The following LRRC58 variants were observed in gnomAD, a reference collection of about 807,000 sequenced individuals.
The protein encoded by LRRC58 is leucine-rich repeat-containing protein 58.
A neutral mutation model predicts 30.6 loss-of-function variants in LRRC58; 18 were observed. That is an observed-to-expected ratio of 0.59 (90% confidence interval 0.41 to 0.87). LRRC58 has a LOEUF of 0.87. Ranked by LOEUF, LRRC58 falls within the 40% of genes least tolerant of loss-of-function variation. The probability of loss-of-function intolerance (pLI) is 0.00; values close to 1 mark genes in which losing one functional copy is unlikely to be tolerated. For synonymous variants in LRRC58, 221 were observed against 206.0 expected, an observed-to-expected ratio of 1.07 and a Z score of -0.62; for missense variants, 420 against 468.4, an observed-to-expected ratio of 0.90 and a Z score of 0.95.
In LRRC58 at chr3:120,329,550, CTCA is replaced by C. The variant is rs778440933; in HGVS notation, c.*1647_*1649del. Reference sequence around the variant, plus strand: ...TTTCACATCTGCAGTTCATGAAACTCTCATGTTTCATGAATTAATATACAAATA... The same window carrying C: ...TTTCACATCTGCAGTTCATGAAACTCTGTTTCATGAATTAATATACAAATA... On this transcript the variant is annotated 3_prime_UTR_variant, in exon 4 of 4. Coordinates refer to ENST00000295628, the MANE Select transcript of LRRC58 (RefSeq NM_001099678.2). The C allele has an allele frequency of 5.9e-5, 9 of 151,994 alleles. No individual in the cohort carries two copies. The highest frequency in any genetic ancestry group is 1.9e-4 in the East Asian group (1 of 5,174). The allele number at this position is 151,994 out of a possible 1,614,324, so 9.4% of individuals were successfully genotyped here.
rs1935714785 is a variant in LRRC58 at position 120,328,668 on chromosome 3, T to A, written c.*2532A>T. ...GGAGCTGATTATCTGGTTTCTAGAT[T>A]ATGAAGTCCCTTGTATTTGACTTCT... On this transcript the variant is annotated 3_prime_UTR_variant, in exon 4 of 4. Coordinates refer to ENST00000295628, the MANE Select transcript of LRRC58 (RefSeq NM_001099678.2). 1 of 152,216 alleles carries A rather than the reference T, an allele frequency of 6.6e-6. No individual in the cohort carries two copies. The highest frequency in any genetic ancestry group is 1.5e-5 in the Non-Finnish European group (1 of 68,036). The allele number at this position is 152,216 out of a possible 1,614,324, so 9.4% of individuals were successfully genotyped here.
At position 120,349,297 on chromosome 3, in the gene LRRC58, C is replaced by T; in HGVS notation, c.-54G>A. The T allele has an allele frequency of 1.5e-6, 2 of 1,342,640 alleles. No homozygotes were observed. The allele number at this position is 1,342,640 out of a possible 1,614,324, so 83.2% of individuals were successfully genotyped here. ...GATTCCCCAGAGCGCCGCGCGCGGT[C>T]CAGAGGCCGGGAGCTCTGCGGCGCC... On this transcript the variant is annotated 5_prime_UTR_variant, in exon 1 of 4. Transcript: ENST00000295628.
At chr3:120,340,388 C>T (rs914605778) in intron 1 of LRRC58, among the ~76,000 whole-genome samples, 2 of 152,118 alleles carry the variant, frequency 1.3e-5, no homozygotes, top group Admixed American at 1.3e-4. Context: ...TCATAATTGT[C>T]AGTTTTAAAA....
chr3:120,339,173 C>T (rs971223970), intron 1 of LRRC58, among the ~76,000 whole-genome samples: 1 of 151,930 alleles, frequency 6.6e-6, no homozygotes. Flanking sequence ...TATTTTTGTT[C>T]TTTTCCCTCT....
chr3:120,333,017 C>T (rs774830549), intron 3 of LRRC58, among the ~76,000 whole-genome samples: 2 of 148,026 alleles, frequency 1.4e-5, no homozygotes, highest in East Asian at 2.0e-4. Flanking sequence ...GCGTGAACCC[C>T]GGAGGCGGAG....
chr3:120,346,256 C>A (rs911195991), intron 1 of LRRC58, among the ~76,000 whole-genome samples: 1 of 150,684 alleles, frequency 6.6e-6, no homozygotes, highest in Non-Finnish European at 1.5e-5. Flanking sequence ...AACTCCATCT[C>A]AAAAAAACAG....
At chr3:120,332,751 A>T (rs1001795407) in intron 3 of LRRC58, among the ~76,000 whole-genome samples, 2 of 151,000 alleles carry the variant, frequency 1.3e-5, no homozygotes, top group Non-Finnish European at 2.9e-5. Flanking sequence ...TTTTAAACTG[A>T]TACTTTTTTT....
In LRRC58 at chr3:120,329,076, G is replaced by C. The variant is rs536686232; in HGVS notation, c.*2124C>G. The C allele has an allele frequency of 6.6e-6, 1 of 152,188 alleles. No homozygotes were observed. The highest frequency in any genetic ancestry group is 1.5e-5 in the Non-Finnish European group (1 of 67,970). The allele number at this position is 152,188 out of a possible 1,614,324, so 9.4% of individuals were successfully genotyped here. On this transcript the variant is annotated 3_prime_UTR_variant, in exon 4 of 4. Transcript: ENST00000295628. Reference sequence around the variant, plus strand: ...CATACCTATCCATTTATTTTACGAAGACTAACTCTTAGAAGACTACTCAAG... The same window carrying C: ...CATACCTATCCATTTATTTTACGAACACTAACTCTTAGAAGACTACTCAAG...
rs927893362 is a variant in LRRC58, at chr3:120,335,154, G to T, written c.630-15C>A. 2 of 1,602,384 alleles carry T rather than the reference G, an allele frequency of 1.2e-6. No homozygotes were observed. The highest frequency in any genetic ancestry group is 2.7e-5 in the African/African-American group (2 of 74,546). Reference sequence around the variant, plus strand: ...GTGAATGTAACCTAGAATAAATGTAGTAGAAAAATCAATGGCAGTAAACAA... The same window carrying T: ...GTGAATGTAACCTAGAATAAATGTATTAGAAAAATCAATGGCAGTAAACAA... On this transcript the variant is annotated splice_polypyrimidine_tract_variant and intron_variant, in intron 2 of 3. Transcript: ENST00000295628.
chr3:120,331,149 T>C lies in LRRC58; in HGVS notation c.*51A>G. On this transcript the variant is annotated 3_prime_UTR_variant, in exon 4 of 4. Transcript: ENST00000295628. ...GAACTTCAAGCTCTATTTTCTTGTC[T>C]AACCATTTTGCTCAGTTTTTTAAGT... 1 of 1,504,870 alleles carries C rather than the reference T, an allele frequency of 6.6e-7. No homozygotes were observed. The highest frequency in any genetic ancestry group is 9.2e-7 in the Non-Finnish European group (1 of 1,082,184). The allele number at this position is 1,504,870 out of a possible 1,614,324, so 93.2% of individuals were successfully genotyped here.
Position 120,330,197 on chromosome 3 carries a change from G to C in LRRC58, c.*1003C>G, listed in dbSNP as rs1221305404. ...CATATTTTTTCCCTACCCATTTAAT[G>C]CAAGATATAAAGAAGCTTTCCTAGC... is the stretch of plus-strand genomic sequence containing the variant. On this transcript the variant is annotated 3_prime_UTR_variant, in exon 4 of 4. Transcript: ENST00000295628. 2.0e-5 allele frequency: 3 copies of C among 152,010 alleles called. No individual in the cohort carries two copies. The highest frequency in any genetic ancestry group is 4.4e-5 in the Non-Finnish European group (3 of 67,950). The allele number at this position is 152,010 out of a possible 1,614,324, so 9.4% of individuals were successfully genotyped here. A position where few individuals can be genotyped will look rare whatever the true frequency, so the allele number is the denominator to read the frequency against.
intron 1 of LRRC58, among the ~76,000 whole-genome samples, chr3:120,345,684 A>G (rs139027016): frequency 8.9e-4 from 136 of 152,356 alleles, no homozygotes; most frequent in Non-Finnish European, 1.5e-3. Context: ...AGCTCAGAGT[A>G]TATTTCTACA....
intron 1 of LRRC58, among the ~76,000 whole-genome samples, chr3:120,346,137 G>A (rs1223527962): frequency 1.3e-5 from 2 of 152,102 alleles, no homozygotes; most frequent in Admixed American, 6.6e-5. Flanking sequence ...CGCTCCTGTG[G>A]TCGCAGATAC....
chr3:120,325,204 T>C lies in LRRC58; in HGVS notation c.*5996A>G, dbSNP rs895637174. On this transcript the variant is annotated 3_prime_UTR_variant, in exon 4 of 4. Coordinates refer to ENST00000295628, the MANE Select transcript of LRRC58 (RefSeq NM_001099678.2). Reference sequence around the variant, plus strand: ...TCACAACAATGTTAACAATTTAAGTTAGTGAAAGGATTCTCTTAAACATAA... The same window carrying C: ...TCACAACAATGTTAACAATTTAAGTCAGTGAAAGGATTCTCTTAAACATAA... The C allele has an allele frequency of 1.9e-4, 29 of 152,240 alleles. No homozygotes were observed. Among genetic ancestry groups the C allele is most frequent in the Non-Finnish European group, 3.8e-4 (26 of 68,030 alleles). The allele number at this position is 152,240 out of a possible 1,614,324, so 9.4% of individuals were successfully genotyped here.
Position 120,326,689 on chromosome 3 carries a change from T to C in LRRC58, c.*4511A>G, listed in dbSNP as rs1459057312. On this transcript the variant is annotated 3_prime_UTR_variant, in exon 4 of 4. Transcript: ENST00000295628. ...ACATTCATAATGACAATAAAATCTC[T>C]ACCTCTGGATGAAAAAAGGATCATT... 6.6e-6 allele frequency: 1 copy of C among 152,200 alleles called. No homozygotes were observed. Among genetic ancestry groups the C allele is most frequent in the Non-Finnish European group, 1.5e-5 (1 of 68,028 alleles). 9.4% of individuals were successfully genotyped at this position (152,200 alleles called of 1,614,324 possible). A position where few individuals can be genotyped will look rare whatever the true frequency, so the allele number is the denominator to read the frequency against.
chr3:120,326,099 T>C lies in LRRC58; in HGVS notation c.*5101A>G, dbSNP rs1935669691. 6.6e-6 allele frequency: 1 copy of C among 152,220 alleles called. No homozygotes were observed. The highest frequency in any genetic ancestry group is 2.4e-5 in the African/African-American group (1 of 41,464). The allele number at this position is 152,220 out of a possible 1,614,324, so 9.4% of individuals were successfully genotyped here. A position where few individuals can be genotyped will look rare whatever the true frequency, so the allele number is the denominator to read the frequency against. ...TAGAGGATTTAAGGCACATACTTCC[T>C]GACCACAACTGAAATCATGATACCT... On this transcript the variant is annotated 3_prime_UTR_variant, in exon 4 of 4. Transcript: ENST00000295628.
intron 3 of LRRC58, among the ~76,000 whole-genome samples, chr3:120,333,767 A>G (rs563859778): frequency 6.6e-6 from 1 of 152,228 alleles, no homozygotes; most frequent in East Asian, 1.9e-4. Flanking sequence ...ACCAGGACTC[A>G]ATGTAGCTTT....
intron 1 of LRRC58, among the ~76,000 whole-genome samples, chr3:120,344,760 A>C (rs1286820287): frequency 6.6e-6 from 1 of 152,186 alleles, no homozygotes; most frequent in African/African-American, 2.4e-5. Context: ...TGTTTACTTA[A>C]ATAAAGTCTA....
intron 3 of LRRC58, among the ~76,000 whole-genome samples, chr3:120,334,460 A>G (rs1466917047): frequency 3.9e-5 from 6 of 152,186 alleles, no homozygotes; most frequent in Non-Finnish European, 7.3e-5. Flanking sequence ...ATGAGCCGAG[A>G]TCGCGCCACT....
Sources: gnomAD v4.1 joint callset for allele counts (sites outside exome capture counted in the v4.1 genomes callset) on GRCh38, gnomAD v4.1.1 for gene constraint, MANE v1.5 for transcripts, NCBI Gene and HGNC (gene_info 2026-07-23, HGNC 2026-07-21) for gene names.